Variants in MACF1 observed in about 807,000 individuals in gnomAD.
The protein encoded by MACF1 is microtubule-actin cross-linking factor 1.
A neutral mutation model predicts 854.8 loss-of-function variants in MACF1; 193 were observed. The ratio of observed to expected loss-of-function variants is 0.23; its 90% CI spans 0.20 to 0.25. The LOEUF is 0.25. Among genes scored for constraint, MACF1 ranks in the 10% least tolerant of loss-of-function variants. The pLI is 1.00. For synonymous variants in MACF1, 3,185 were observed against 3,226.7 expected (o/e 0.99, Z 0.44); for missense variants, 7,722 against 8,929.1 (o/e 0.86, Z 5.45).
chr1:39,464,121 G>C (rs935021706), intron 94 of MACF1: 1 of 169,592 alleles, frequency 5.9e-6, no homozygotes, highest in African/African-American at 2.4e-5. Flanking sequence ...TACAAATGGG[G>C]CCCAGGAGCA....
intron 2 of MACF1, among the ~76,000 whole-genome samples, chr1:39,138,751 G>A (rs569032438): frequency 4.5e-4 from 68 of 151,598 alleles, no homozygotes; most frequent in Non-Finnish European, 8.0e-4. Flanking sequence ...TGCAACCTCC[G>A]CCTCCCAGGT....
intron 1 of MACF1, among the ~76,000 whole-genome samples, chr1:39,208,597 G>T (rs995895675): frequency 2.0e-5 from 3 of 152,040 alleles, no homozygotes; most frequent in African/African-American, 7.2e-5. Flanking sequence ...GAGACTACAG[G>T]CGCCTGCCAC....
intron 1 of MACF1, among the ~76,000 whole-genome samples, chr1:39,218,393 A>T (rs1033721592): frequency 3.9e-5 from 6 of 152,214 alleles, no homozygotes; most frequent in African/African-American, 1.4e-4. Context: ...AAAGGTATGA[A>T]CCATAGACTA....
intron 68 of MACF1, among the ~76,000 whole-genome samples, chr1:39,433,431 T>G (rs1557652320): frequency 6.6e-6 from 1 of 152,218 alleles, no homozygotes; most frequent in Non-Finnish European, 1.5e-5. Flanking sequence ...GGGAGCAAGC[T>G]TTGAGTTACT....
chr1:39,440,111 C>CTTTTCTTTTCTTTTTTTTTT (rs1553414036), intron 72 of MACF1, among the ~76,000 whole-genome samples: 2 of 64,566 alleles, frequency 3.1e-5, no homozygotes, highest in African/African-American at 1.3e-4. Flanking sequence ...CTTTTCTTTT[C>CTTTTCTTTTCTTTTTTTTTT]TTTTTTTTTT....
Position 39,204,824 on chromosome 1 carries a change from T to G in MACF1, c.-199T>G. On this transcript the variant is annotated 5_prime_UTR_variant, in exon 1 of 101. Transcript: ENST00000564288. Reference sequence around the variant, plus strand: ...TCTGAGATACACTGTACAGTTTTAGTCCCAGTCTACTAGCGCCTGCTGAAA... The same window carrying G: ...TCTGAGATACACTGTACAGTTTTAGGCCCAGTCTACTAGCGCCTGCTGAAA... 1.7e-6 allele frequency: 1 copy of G among 577,544 alleles called. No individual in the cohort carries two copies. Among genetic ancestry groups the G allele is most frequent in the East Asian group, 2.9e-5 (1 of 34,506 alleles). 35.8% of individuals were successfully genotyped at this position (577,544 alleles called of 1,614,324 possible). A position where few individuals can be genotyped will look rare whatever the true frequency, so the allele number is the denominator to read the frequency against.
intron 6 of MACF1, among the ~76,000 whole-genome samples, chr1:39,277,977 G>A (rs1645469196): frequency 6.6e-6 from 1 of 152,002 alleles, no homozygotes; most frequent in African/African-American, 2.4e-5. Flanking sequence ...GAATTATTAG[G>A]AAAACATTCA....
chr1:39,110,081 A>T (rs755050506), intron 2 of MACF1, among the ~76,000 whole-genome samples: 8 of 152,156 alleles, frequency 5.3e-5, no homozygotes, highest in Non-Finnish European at 1.2e-4. Flanking sequence ...AATAATTTTT[A>T]AAATAGTACA....
intron 49 of MACF1, among the ~76,000 whole-genome samples, chr1:39,365,101 G>T (rs1260971605): frequency 1.3e-5 from 2 of 151,944 alleles, no homozygotes; most frequent in African/African-American, 4.8e-5. Context: ...TTTTGAGACG[G>T]AGTCTTGCTC....
intron 79 of MACF1, 48 bp from the exon 80 acceptor site, chr1:39,444,614 C>A: frequency 6.5e-7 from 1 of 1,544,484 alleles, no homozygotes; most frequent in Non-Finnish European, 8.8e-7. Flanking sequence ...ATGTAGGTGT[C>A]TTCCAGAGAA....
At chr1:39,234,869 G>A (rs1351243744) in intron 2 of MACF1, among the ~76,000 whole-genome samples, 2 of 129,806 alleles carry the variant, frequency 1.5e-5, no homozygotes, top group East Asian at 5.0e-4. Context: ...TCCCAGACGG[G>A]GCGGCGGGGC....
At position 39,442,898 on chromosome 1, in the gene MACF1, C is replaced by A; in HGVS notation, c.19289C>A (p.Ser6430Ter). The change falls in exon 78 of 101, where the codon TCA (serine) becomes TAA (stop). Residue 6430 changes from serine to a stop codon, truncating the protein, a stop_gained. Coordinates refer to ENST00000564288, the MANE Select transcript of MACF1 (RefSeq NM_001394062.1). LOFTEE classifies it high-confidence loss of function. ...GAGGAGAGGGAGCAGCAGCTTCAGT[C>A]AACTCTGCAGCAGGTACATGTGACA... Reference protein sequence around the residue: ...KTEEREQQLQSTLQQAQGFHS... With the variant: ...KTEEREQQLQ 1 of 1,613,584 alleles carries A rather than the reference C, an allele frequency of 6.2e-7. No individual in the cohort carries two copies. The highest frequency in any genetic ancestry group is 1.1e-5 in the South Asian group (1 of 90,932).
At chr1:39,414,923 G>A (rs561700367) in intron 58 of MACF1, among the ~76,000 whole-genome samples, 2 of 152,182 alleles carry the variant, frequency 1.3e-5, no homozygotes, top group Non-Finnish European at 2.9e-5. Context: ...GGGAAAATTA[G>A]TTAGCTATTC....
At chr1:39,390,025 A>G (rs1222356886) in intron 58 of MACF1, among the ~76,000 whole-genome samples, 1 of 152,232 alleles carries the variant, frequency 6.6e-6, no homozygotes, top group African/African-American at 2.4e-5. Context: ...AGATGATTAC[A>G]TGACCCAAAA....
At chr1:39,373,382 T>C (rs533394133) in intron 52 of MACF1, 1 of 140,264 alleles carries the variant, frequency 7.1e-6, no homozygotes, top group East Asian at 2.1e-4. Context: ...AACAGGAGAA[T>C]AGCTTGAACC....
chr1:39,287,690 A>C (rs1418537586), intron 15 of MACF1, 128 bp downstream of exon 15: 9 of 1,060,916 alleles, frequency 8.5e-6, no homozygotes, highest in Non-Finnish European at 1.2e-5. Context: ...CTTTTATTTG[A>C]GTGATGGGGT....
chr1:39,422,688 C>T, intron 59 of MACF1, 42 bp from the exon 60 acceptor site: 1 of 1,590,980 alleles, frequency 6.3e-7, no homozygotes, highest in Non-Finnish European at 8.6e-7. Context: ...TTGAAAACTA[C>T]TTTCTCCGTT....
chr1:39,250,276 A>G (rs1645025926), intron 3 of MACF1, 173 bp downstream of exon 3: 2 of 423,920 alleles, frequency 4.7e-6, no homozygotes, highest in African/African-American at 2.0e-5. Context: ...GAATTTACAA[A>G]TTATATAATT....
chr1:39,126,539 G>T (rs1211095027), intron 2 of MACF1, among the ~76,000 whole-genome samples: 1 of 152,182 alleles, frequency 6.6e-6, no homozygotes, highest in East Asian at 1.9e-4. Context: ...TGTAATCCCA[G>T]CACTTTGGGA....
Sources: gnomAD v4.1 joint callset for allele counts (sites outside exome capture counted in the v4.1 genomes callset) on GRCh38, gnomAD v4.1.1 for gene constraint, MANE v1.5 for transcripts, NCBI Gene and HGNC (gene_info 2026-07-23, HGNC 2026-07-21) for gene names.